PAK1IP1: variants seen among roughly 807,000 people sequenced by gnomAD.
PAK1IP1 encodes PAK1 interacting protein 1, also known as p21-activated protein kinase-interacting protein 1.
PAK1IP1 carries 24 observed loss-of-function variants against 42.0 expected under a neutral mutation model. The observed-to-expected ratio is 0.57, with a 90% confidence interval of 0.41 to 0.80. The LOEUF (loss-of-function observed/expected upper bound fraction) is 0.80. Ranked by LOEUF, PAK1IP1 falls within the 30% of genes least tolerant of loss-of-function variation. The probability of loss-of-function intolerance (pLI) is 0.00; values close to 1 mark genes in which losing one functional copy is unlikely to be tolerated. For missense variants in PAK1IP1, 411 were observed against 467.9 expected (o/e 0.88, Z 1.12); for synonymous variants, 154 against 156.7 (o/e 0.98, Z 0.13).
rs532367847 is a variant in PAK1IP1, at chr6:10,707,532, A to G, written c.840+18A>G. 2 of 1,401,602 alleles carry G rather than the reference A, an allele frequency of 1.4e-6. No homozygotes were observed. Among genetic ancestry groups the G allele is most frequent in the South Asian group, 2.3e-5 (2 of 86,602 alleles). The allele number at this position is 1,401,602 out of a possible 1,614,324, so 86.8% of individuals were successfully genotyped here. On this transcript the variant is annotated intron_variant, in intron 8 of 9. Transcript: ENST00000379568. ...AGGATAAGGTCAGTGCTTCAACACA[A>G]TCTAAATGTACTTTAATACAAGTCT...
chr6:10,702,319 G>C, intron 2 of PAK1IP1, 50 bp from the exon 3 acceptor site: 1 of 1,492,638 alleles, frequency 6.7e-7, no homozygotes, highest in Non-Finnish European at 9.3e-7. Context: ...CAGAAATGGA[G>C]TTTGCATTTA....
chr6:10,694,598 AAGCAAC>A, upstream of PAK1IP1: 1 of 172,166 alleles, frequency 5.8e-6, no homozygotes, highest in Non-Finnish European at 1.3e-5. Context: ...TACAGCCCCT[AAGCAAC>A]CGGCCGGAAG....
upstream of PAK1IP1, chr6:10,694,828 C>T: frequency 1.7e-6 from 1 of 582,116 alleles, no homozygotes; most frequent in African/African-American, 2.0e-5. Context: ...AAAGTGTTTC[C>T]ACGTTACAGG....
chr6:10,697,850 C>T (rs1441784853), intron 2 of PAK1IP1, among the ~76,000 whole-genome samples: 1 of 150,542 alleles, frequency 6.6e-6, no homozygotes, highest in Non-Finnish European at 1.5e-5. Flanking sequence ...GAGATCACGC[C>T]ACTGCATGCC....
intron 2 of PAK1IP1, among the ~76,000 whole-genome samples, chr6:10,697,805 C>G (rs1438546224): frequency 6.6e-6 from 1 of 151,016 alleles, no homozygotes; most frequent in Non-Finnish European, 1.5e-5. Flanking sequence ...GCAGGGGAAT[C>G]GTTTGAACCC....
chr6:10,704,596 T>C lies in PAK1IP1; in HGVS notation c.586T>C (p.Ser196Pro), dbSNP rs765857722. The change falls in exon 6 of 10, where the codon TCC becomes CCC. Residue 196 changes from serine to proline, a missense_variant. Transcript: ENST00000379568. ...KIDIYQLDTA[S>P]ISGTITNEKR... Reference sequence around the variant, plus strand: ...AGACATCTATCAGCTTGACACTGCATCCATTAGTGGCACCATCACAAATGA... The same window carrying C: ...AGACATCTATCAGCTTGACACTGCACCCATTAGTGGCACCATCACAAATGA... The C allele has an allele frequency of 6.2e-7, 1 of 1,607,086 alleles. No homozygotes were observed. The highest frequency in any genetic ancestry group is 1.1e-5 in the South Asian group (1 of 90,542).
At chr6:10,697,267 A>C in intron 1 of PAK1IP1, 57 bp from the exon 2 acceptor site, 45 of 1,405,880 alleles carry the variant, frequency 3.2e-5, no homozygotes, top group Non-Finnish European at 3.9e-5. Flanking sequence ...ACCAGTGGAT[A>C]GAGTTGGTAG....
At chr6:10,700,326 G>A (rs1039637063) in intron 2 of PAK1IP1, among the ~76,000 whole-genome samples, 6 of 152,078 alleles carry the variant, frequency 3.9e-5, no homozygotes, top group African/African-American at 1.4e-4. Context: ...CCAAAGTGCT[G>A]GGATTACAGG....
Position 10,709,268 on chromosome 6 carries a change from A to G in PAK1IP1, c.995A>G (p.Lys332Arg). 2 of 1,611,306 alleles carry G rather than the reference A, an allele frequency of 1.2e-6. No homozygotes were observed. The highest frequency in any genetic ancestry group is 1.3e-5 in the African/African-American group (1 of 74,758). ...AAAGAACAGTCCAAAATTGGCAAAAAGGAGCCTGGTGACACAGTGCACAAA... is the reference window on the plus strand; with the variant it reads ...AAAGAACAGTCCAAAATTGGCAAAAGGGAGCCTGGTGACACAGTGCACAAA... Reference protein sequence around the residue: ...VSKEQSKIGKKEPGDTVHKEE... With the variant: ...VSKEQSKIGKREPGDTVHKEE... Residue 332 changes from lysine to arginine, a missense_variant, in exon 10 of 10, where the codon AAG becomes AGG. Coordinates refer to ENST00000379568, the MANE Select transcript of PAK1IP1 (RefSeq NM_017906.3).
rs1482023186 is a variant in PAK1IP1, at chr6:10,704,798, T to C, written c.694T>C (p.Cys232Arg). The C allele has an allele frequency of 6.2e-7, 1 of 1,613,666 alleles. No individual in the cohort carries two copies. Among genetic ancestry groups the C allele is most frequent in the Admixed American group, 1.7e-5 (1 of 60,008 alleles). ...TGAAGAAGTTATAAGGTTTTTTGAC[T>C]GTGATTCACTAGTGTGCCTCTGCGA... ...GDEEVIRFFD[C>R]DSLVCLCEFK... The change falls in exon 7 of 10, where the codon TGT becomes CGT. Residue 232 changes from cysteine (C) to arginine (R), a missense_variant. Physicochemically the swap from Cys to Arg is radical, Grantham distance 180. Coordinates refer to ENST00000379568, the MANE Select transcript of PAK1IP1 (RefSeq NM_017906.3).
At chr6:10,696,029 C>G (rs1769824625) in intron 1 of PAK1IP1, among the ~76,000 whole-genome samples, 1 of 152,094 alleles carries the variant, frequency 6.6e-6, no homozygotes, top group Non-Finnish European at 1.5e-5. Flanking sequence ...CACAGCAACC[C>G]TCTGAGGAGG....
upstream of PAK1IP1, among the ~76,000 whole-genome samples, chr6:10,692,013 A>T (rs1357710677): frequency 6.6e-6 from 1 of 152,222 alleles, no homozygotes; most frequent in Non-Finnish European, 1.5e-5. Context: ...TATGGTGATA[A>T]GCTAAAATTT....
chr6:10,693,798 G>C (rs1020416848), upstream of PAK1IP1, among the ~76,000 whole-genome samples: 6 of 152,118 alleles, frequency 3.9e-5, no homozygotes, highest in Admixed American at 1.3e-4. Flanking sequence ...GAGCGATCTC[G>C]GCTCACTGCA....
At chr6:10,692,422 A>C (rs919002907), upstream of PAK1IP1, among the ~76,000 whole-genome samples, 8 of 152,322 alleles carry the variant, frequency 5.3e-5, no homozygotes, top group Admixed American at 6.5e-5. Context: ...AACACAATGA[A>C]GATAACTAGC....
chr6:10,708,924 C>T, intron 8 of PAK1IP1, 29 bp from the exon 9 acceptor site: 1 of 1,555,636 alleles, frequency 6.4e-7, no homozygotes, highest in Non-Finnish European at 8.7e-7. Flanking sequence ...TGAAAATGCA[C>T]ATTATGAATG....
At position 10,709,616 on chromosome 6, in the gene PAK1IP1, A is replaced by C. The variant is rs1470193032; in HGVS notation, c.*164A>C. 2 of 426,914 alleles carry C rather than the reference A, an allele frequency of 4.7e-6. No individual in the cohort carries two copies. The highest frequency in any genetic ancestry group is 2.2e-5 in the African/African-American group (1 of 46,410). The allele number at this position is 426,914 out of a possible 1,614,324, so 26.4% of individuals were successfully genotyped here. On this transcript the variant is annotated 3_prime_UTR_variant, in exon 10 of 10. Coordinates refer to ENST00000379568, the MANE Select transcript of PAK1IP1 (RefSeq NM_017906.3). ...GATGGTTTTTTTTAAAAAAAAAAAA[A>C]AAACTGGTAAAATTACTTTTGGCAG...
chr6:10,696,869 A>G (rs954752920), intron 1 of PAK1IP1, among the ~76,000 whole-genome samples: 1 of 152,240 alleles, frequency 6.6e-6, no homozygotes, highest in Non-Finnish European at 1.5e-5. Context: ...GCTGTGTATC[A>G]ACTGCTTGGA....
upstream of PAK1IP1, among the ~76,000 whole-genome samples, chr6:10,691,530 A>T (rs1020402340): frequency 5.9e-5 from 9 of 152,028 alleles, no homozygotes; most frequent in African/African-American, 2.2e-4. Flanking sequence ...TCAGGGGTCG[A>T]TCTTTACCAG....
At chr6:10,696,278 C>T (rs1428076887) in intron 1 of PAK1IP1, among the ~76,000 whole-genome samples, 1 of 152,184 alleles carries the variant, frequency 6.6e-6, no homozygotes, top group African/African-American at 2.4e-5. Flanking sequence ...TGATTTAAGG[C>T]CATAGCAGAC....
Sources: gnomAD v4.1 joint callset for allele counts (sites outside exome capture counted in the v4.1 genomes callset) on GRCh38, gnomAD v4.1.1 for gene constraint, MANE v1.5 for transcripts, NCBI Gene and HGNC (gene_info 2026-07-23, HGNC 2026-07-21) for gene names.